Variants in PDZD2 observed in about 807,000 individuals in gnomAD.
The protein encoded by PDZD2 is PDZ domain containing 2.
Under a neutral mutation model 220.7 loss-of-function variants are expected in PDZD2, and 90 were observed. That is an observed-to-expected ratio of 0.41 (90% CI 0.34 to 0.49). PDZD2 has a LOEUF of 0.49. Ranked by LOEUF, PDZD2 falls within the 20% of genes least tolerant of loss-of-function variation. The pLI, the probability that PDZD2 is intolerant of heterozygous loss-of-function variation, is 0.28. For synonymous variants in PDZD2, 1,375 were observed against 1,450.5 expected, an observed-to-expected ratio of 0.95 and a Z score of 1.18; for missense variants, 3,174 against 3,608.5, an observed-to-expected ratio of 0.88 and a Z score of 3.08.
intron 3 of PDZD2, among the ~76,000 whole-genome samples, chr5:31,989,424 T>TTTTTTTTTTTTTATTTATTTATTTA (rs1751017569): frequency 7.3e-6 from 1 of 136,690 alleles, no homozygotes; most frequent in African/African-American, 2.9e-5. Context: ...TTCTTTTCTT[T>TTTTTTTTTTTTTATTTATTTATTTA]TTTTTTTTTT....
chr5:31,703,566 A>G (rs1448292381), intron 1 of PDZD2, among the ~76,000 whole-genome samples: 1 of 152,180 alleles, frequency 6.6e-6, no homozygotes, highest in Non-Finnish European at 1.5e-5. Context: ...TGGGTGCAGC[A>G]AACCCATGGC....
intron 1 of PDZD2, among the ~76,000 whole-genome samples, chr5:31,659,085 G>A (rs1580527724): frequency 6.6e-6 from 1 of 152,112 alleles, no homozygotes; most frequent in Non-Finnish European, 1.5e-5. Context: ...GCTCTTTTAT[G>A]AAACTCTATT....
intron 1 of PDZD2, among the ~76,000 whole-genome samples, chr5:31,647,150 T>G (rs1745164328): frequency 6.6e-6 from 1 of 152,150 alleles, no homozygotes; most frequent in Non-Finnish European, 1.5e-5. Context: ...AGGCTCCGTC[T>G]TTATCTTGAG....
At chr5:31,794,927 A>G (rs1327847924) in intron 1 of PDZD2, among the ~76,000 whole-genome samples, 1 of 152,060 alleles carries the variant, frequency 6.6e-6, no homozygotes, top group Admixed American at 6.6e-5. Flanking sequence ...CTAGTACATG[A>G]CAGCCCGGTG....
intron 1 of PDZD2, among the ~76,000 whole-genome samples, chr5:31,733,156 G>A (rs1264852720): frequency 6.6e-6 from 1 of 152,212 alleles, no homozygotes; most frequent in Non-Finnish European, 1.5e-5. Flanking sequence ...ACTTACCTGT[G>A]CTGTTAGAAT....
At chr5:32,078,068 T>G (rs11951887) in intron 19 of PDZD2, 1 of 168,770 alleles carries the variant, frequency 5.9e-6, no homozygotes, top group Non-Finnish European at 1.3e-5. Flanking sequence ...TATATCATTG[T>G]GCCTAAACTC....
chr5:31,678,524 G>A (rs1304724927), intron 1 of PDZD2, among the ~76,000 whole-genome samples: 1 of 152,006 alleles, frequency 6.6e-6, no homozygotes, highest in Non-Finnish European at 1.5e-5. Flanking sequence ...GTCAGTTCTG[G>A]TGGGGGACGT....
chr5:31,749,128 A>G (rs1349874167), intron 1 of PDZD2, among the ~76,000 whole-genome samples: 1 of 152,178 alleles, frequency 6.6e-6, no homozygotes, highest in Admixed American at 6.5e-5. Flanking sequence ...ACATTTTGCA[A>G]TACTGTGAGG....
At position 31,779,235 on chromosome 5, in the gene PDZD2, A is replaced by G. The variant is rs377454165; in HGVS notation, c.-360-19654A>G. Among the ~76,000 whole-genome samples, 5 of 152,070 alleles carry G rather than the reference A, an allele frequency of 3.3e-5. No homozygotes were observed. The East Asian group carries it at 9.6e-4, about 29-fold the overall frequency. Reference sequence around the variant, plus strand: ...CCCTCCTTGCCTGTTGCATCAACATACCACCTGCATGTTTACCTTCAGGAT... The same window carrying G: ...CCCTCCTTGCCTGTTGCATCAACATGCCACCTGCATGTTTACCTTCAGGAT... On this transcript the variant is annotated intron_variant, in intron 1 of 24. Transcript: ENST00000438447.
intron 1 of PDZD2, among the ~76,000 whole-genome samples, chr5:31,640,211 G>A (rs1396805002): frequency 1.3e-5 from 2 of 152,158 alleles, no homozygotes; most frequent in Admixed American, 6.6e-5. Context: ...AGGACCCCTG[G>A]CAGGAGTTTG....
At chr5:32,058,485 A>G (rs1313884375) in intron 12 of PDZD2, among the ~76,000 whole-genome samples, 1 of 150,140 alleles carries the variant, frequency 6.7e-6, no homozygotes, top group African/African-American at 2.4e-5. Flanking sequence ...CCTCCCCAAC[A>G]TGGCGAAACC....
intron 24 of PDZD2, among the ~76,000 whole-genome samples, chr5:32,104,753 A>T (rs1744596942): frequency 6.7e-6 from 1 of 150,332 alleles, no homozygotes; most frequent in African/African-American, 2.4e-5. Flanking sequence ...AAAACATATA[A>T]AATGTTCATT....
At chr5:31,693,333 C>G (rs1423166824) in intron 1 of PDZD2, among the ~76,000 whole-genome samples, 1 of 150,750 alleles carries the variant, frequency 6.6e-6, no homozygotes, top group Non-Finnish European at 1.5e-5. Context: ...CCTCCGCCTC[C>G]CGGATTTAAG....
intron 6 of PDZD2, among the ~76,000 whole-genome samples, chr5:32,030,239 T>C (rs1389549118): frequency 1.3e-5 from 2 of 152,238 alleles, no homozygotes; most frequent in Non-Finnish European, 2.9e-5. Flanking sequence ...GCTTCATCTC[T>C]CCTTCCACAT....
Position 31,946,836 on chromosome 5 carries a change from G to A in PDZD2, c.477-36319G>A, listed in dbSNP as rs1478789175. ...TTTCATTTGTTTCCCAAGTAGCTGC[G>A]AGTACAGATACACACCACCACTGGC... On this transcript the variant is annotated intron_variant, in intron 2 of 24. Coordinates refer to ENST00000438447, the MANE Select transcript of PDZD2 (RefSeq NM_178140.4). Among the ~76,000 whole-genome samples, 3 of 152,136 alleles carry A rather than the reference G, an allele frequency of 2.0e-5. No homozygotes were observed. The East Asian group carries it at 5.8e-4, about 29-fold the overall frequency.
At chr5:31,822,183 G>T (rs1037019589) in intron 2 of PDZD2, among the ~76,000 whole-genome samples, 3 of 151,538 alleles carry the variant, frequency 2.0e-5, no homozygotes, top group Admixed American at 6.6e-5. Flanking sequence ...ATAGTAGAAT[G>T]AGTTATAATC....
At chr5:31,707,483 T>G (rs1370633865) in intron 1 of PDZD2, among the ~76,000 whole-genome samples, 1 of 152,114 alleles carries the variant, frequency 6.6e-6, no homozygotes, top group African/African-American at 2.4e-5. Context: ...TGGCAGCACC[T>G]TTATCTTGGA....
At chr5:32,021,267 T>G (rs1754180047) in intron 6 of PDZD2, among the ~76,000 whole-genome samples, 1 of 150,222 alleles carries the variant, frequency 6.7e-6, no homozygotes, top group South Asian at 2.1e-4. Flanking sequence ...GATTTTTTTT[T>G]TAATTGTTGT....
At position 31,983,672 on chromosome 5, in the gene PDZD2, AT is replaced by A. The variant is rs1360744254; in HGVS notation, c.978+18del. On this transcript the variant is annotated intron_variant, in intron 3 of 24. Transcript: ENST00000438447. ...CCTGGCACGGGTAAGGTTTGGTTTG[AT>A]TATGGAACCAGAATTTTATTTATCG... 1 of 1,598,354 alleles carries A rather than the reference AT, an allele frequency of 6.3e-7. No homozygotes were observed. Among genetic ancestry groups the A allele is most frequent in the African/African-American group, 1.3e-5 (1 of 74,456 alleles).
Sources: allele counts gnomAD v4.1 joint callset (sites outside exome capture counted in the v4.1 genomes callset), GRCh38; gene constraint gnomAD v4.1.1; transcripts MANE v1.5; gene names NCBI Gene and HGNC (gene_info 2026-07-23, HGNC 2026-07-21).